Variants in COL14A1 observed in about 807,000 individuals in gnomAD.
The protein encoded by COL14A1 is collagen type XIV alpha 1 chain.
COL14A1 carries 136 observed loss-of-function variants against 230.3 expected under a neutral mutation model. The observed-to-expected ratio is 0.59, with a 90% confidence interval of 0.51 to 0.68. The LOEUF is 0.68. Among genes scored for constraint, COL14A1 ranks in the 30% least tolerant of loss-of-function variants. COL14A1 has a pLI of 0.00. For missense variants in COL14A1, 1,976 were observed against 2,215.8 expected, an observed-to-expected ratio of 0.89 and a Z score of 2.17; for synonymous variants, 792 against 784.1, an observed-to-expected ratio of 1.01 and a Z score of -0.17.
intron 18 of COL14A1, among the ~76,000 whole-genome samples, chr8:120,231,184 G>A (rs1434402810): frequency 2.0e-5 from 3 of 152,106 alleles, no homozygotes; most frequent in South Asian, 2.1e-4. Flanking sequence ...TAGTCTCAGG[G>A]CTTCTTCCCA....
intron 1 of COL14A1, among the ~76,000 whole-genome samples, chr8:120,145,859 C>T (rs1815076498): frequency 6.6e-6 from 1 of 152,086 alleles, no homozygotes; most frequent in Non-Finnish European, 1.5e-5. Context: ...TACACTTGAA[C>T]AAGAAAATAA....
At chr8:120,220,986 A>G (rs1297542460) in intron 14 of COL14A1, among the ~76,000 whole-genome samples, 4 of 152,208 alleles carry the variant, frequency 2.6e-5, no homozygotes, top group Non-Finnish European at 4.4e-5. Context: ...TGTAATCCTT[A>G]CAGAACCAAA....
chr8:120,278,162 G>A lies in COL14A1; in HGVS notation c.3265G>A (p.Ala1089Thr), dbSNP rs1248476055. The A allele has an allele frequency of 2.5e-6, 4 of 1,611,706 alleles. No individual in the cohort carries two copies. Among genetic ancestry groups the A allele is most frequent in the African/African-American group, 1.3e-5 (1 of 74,858 alleles). The change falls in exon 27 of 48, where the codon GCT becomes ACT. Residue 1089 changes from alanine (A) to threonine (T), a missense_variant. By Grantham distance (58) the Ala-to-Thr change is moderately conservative. Around this residue, in one of 3 missense-constraint regions of COL14A1, gnomAD observed 1,791 missense variants for 2,019.5 expected, o/e 0.89. Coordinates refer to ENST00000297848, the MANE Select transcript of COL14A1 (RefSeq NM_021110.4). ...TCCCAGAACAGAATTTAAACTAAAT[G>A]CTTACAAAACCAAAGAGACTCTTCT... Reference protein sequence around the residue: ...DDPRTEFKLNAYKTKETLLDA... With the variant: ...DDPRTEFKLNTYKTKETLLDA...
intron 14 of COL14A1, among the ~76,000 whole-genome samples, chr8:120,221,089 G>C (rs1217174868): frequency 6.6e-6 from 1 of 152,190 alleles, no homozygotes; most frequent in African/African-American, 2.4e-5. Flanking sequence ...ACATGATGGA[G>C]AATTAAGTGC....
At chr8:120,326,802 G>A (rs1046664183) in intron 40 of COL14A1, among the ~76,000 whole-genome samples, 1 of 152,134 alleles carries the variant, frequency 6.6e-6, no homozygotes, top group Non-Finnish European at 1.5e-5. Context: ...GAGGCAGGTG[G>A]ATTACTTGAG....
chr8:120,227,413 C>G, intron 17 of COL14A1, 61 bp downstream of exon 17: 3 of 1,582,876 alleles, frequency 1.9e-6, no homozygotes, highest in South Asian at 2.3e-5. Flanking sequence ...TTTACCCCAT[C>G]AATTTCCTTC....
chr8:120,313,868 A>C, intron 37 of COL14A1, 64 bp from the exon 38 acceptor site: 1 of 986,536 alleles, frequency 1.0e-6, no homozygotes, highest in Non-Finnish European at 1.5e-6. Flanking sequence ...CTAAGCAGAA[A>C]TATTTTCTAG....
intron 42 of COL14A1, among the ~76,000 whole-genome samples, chr8:120,334,583 AAAACACAC>A (rs984790564): frequency 6.4e-5 from 7 of 108,842 alleles, no homozygotes; most frequent in South Asian, 2.8e-4. Flanking sequence ...TTCACACACA[AAAACACAC>A]ACACACACAC....
intron 5 of COL14A1, among the ~76,000 whole-genome samples, 172 bp from the exon 6 acceptor site, chr8:120,196,619 C>T (rs1817046840): frequency 6.6e-6 from 1 of 152,152 alleles, no homozygotes; most frequent in African/African-American, 2.4e-5. Context: ...ACAGTTACCA[C>T]AATTTTTTTT....
intron 2 of COL14A1, 48 bp downstream of exon 2, chr8:120,147,978 T>C: frequency 1.6e-6 from 2 of 1,255,326 alleles, no homozygotes; most frequent in Middle Eastern, 3.8e-4. Context: ...TCTAGCTTTC[T>C]TGTTTCTGAT....
Position 120,310,031 on chromosome 8 carries a change from C to A in COL14A1, c.4424C>A (p.Pro1475Gln), listed in dbSNP as rs1820980666. Residue 1475 changes from proline (P) to glutamine (Q), a missense_variant, in exon 37 of 48, where the codon CCA becomes CAA. Pro to Gln is a moderately conservative substitution (Grantham distance 76). Transcript: ENST00000297848. ...GPPGGPGLRG[P>Q]KGQQGEPGPK... ...CAGGGTGGTCCAGGACTCCGAGGAC[C>A]AAAGGGCCAGCAAGGTGAACCGGGT... 2 of 1,613,554 alleles carry A rather than the reference C, an allele frequency of 1.2e-6. No individual in the cohort carries two copies. The highest frequency in any genetic ancestry group is 8.5e-7 in the Non-Finnish European group (1 of 1,179,746).
Position 120,307,903 on chromosome 8 carries a change from G to T in COL14A1, c.4402-2106G>T, listed in dbSNP as rs112297420. Among the ~76,000 whole-genome samples the T allele has an allele frequency of 2.9e-3, 447 of 152,256 alleles. 3 individuals carry two copies. The highest frequency in any genetic ancestry group is 0.01 in the Middle Eastern group (3 of 294). On this transcript the variant is annotated intron_variant, in intron 36 of 47. Transcript: ENST00000297848. ...CTTTCACTTAACGATTCTACTCTTG[G>T]TATCTTCTTCTGAGAAATACTAACA...
chr8:120,133,245 T>A (rs10086053), intron 1 of COL14A1, among the ~76,000 whole-genome samples: 16 of 144,750 alleles, frequency 1.1e-4, no homozygotes, highest in African/African-American at 3.1e-4. Flanking sequence ...AAAAAAAAAA[T>A]AACTGTTCCA....
At chr8:120,232,645 A>G (rs1397728516) in intron 19 of COL14A1, among the ~76,000 whole-genome samples, 2 of 151,994 alleles carry the variant, frequency 1.3e-5, no homozygotes, top group Non-Finnish European at 2.9e-5. Context: ...TATGTGCCAC[A>G]TTTTCTTTAT....
intron 45 of COL14A1, among the ~76,000 whole-genome samples, chr8:120,350,844 C>A (rs1160399844): frequency 6.6e-6 from 1 of 151,878 alleles, no homozygotes; most frequent in African/African-American, 2.4e-5. Context: ...AGAAAGTTCA[C>A]AAGGATACCC....
intron 26 of COL14A1, chr8:120,277,466 A>T (rs1242720758): frequency 1.3e-5 from 2 of 151,958 alleles, no homozygotes; most frequent in Non-Finnish European, 2.9e-5. Flanking sequence ...AGACACATGC[A>T]CTCCTATGTT....
At chr8:120,354,970 G>C (rs2130338818) in intron 45 of COL14A1, among the ~76,000 whole-genome samples, 2 of 152,196 alleles carry the variant, frequency 1.3e-5, no homozygotes, top group South Asian at 4.1e-4. Context: ...ATTAAACCCT[G>C]TACTGTCTTC....
intron 13 of COL14A1, among the ~76,000 whole-genome samples, chr8:120,214,785 G>A (rs1586772611): frequency 6.6e-6 from 1 of 150,432 alleles, no homozygotes; most frequent in East Asian, 2.0e-4. Context: ...AAAAAAAATA[G>A]AACAGAAGAA....
At chr8:120,303,161 A>G (rs1034488822) in intron 36 of COL14A1, among the ~76,000 whole-genome samples, 1 of 152,170 alleles carries the variant, frequency 6.6e-6, no homozygotes. Context: ...GGTTTTCTAC[A>G]TGTAGAATCA....
Sources: gnomAD v4.1 joint callset for allele counts (sites outside exome capture counted in the v4.1 genomes callset) on GRCh38, gnomAD v4.1.1 for gene constraint, gnomAD v4.1.1 regional missense constraint, MANE v1.5 for transcripts, NCBI Gene and HGNC (gene_info 2026-07-23, HGNC 2026-07-21) for gene names.